MCF2L: variants seen among roughly 807,000 people sequenced by gnomAD.
MCF2L encodes the protein guanine nucleotide exchange factor DBS.
Under a neutral mutation model 153.4 loss-of-function variants are expected in MCF2L, and 97 were observed. That is an observed-to-expected ratio of 0.63 (90% CI 0.54 to 0.75). The LOEUF (loss-of-function observed/expected upper bound fraction) is 0.75. Among genes scored for constraint, MCF2L ranks in the 30% least tolerant of loss-of-function variants. The probability of loss-of-function intolerance (pLI) is 0.00; values close to 1 mark genes in which losing one functional copy is unlikely to be tolerated. For missense variants in MCF2L, 1,347 were observed against 1,495.2 expected, an observed-to-expected ratio of 0.90 and a Z score of 1.64; for synonymous variants, 659 against 632.2, an observed-to-expected ratio of 1.04 and a Z score of -0.64.
chr13:112,979,239 T>G lies in MCF2L; in HGVS notation c.79+9781T>G, dbSNP rs1016914731. The G allele has an allele frequency of 3.4e-6, 3 of 884,858 alleles. No individual in the cohort carries two copies. In the Admixed American group the frequency reaches 1.6e-4, roughly 48 times the overall value. 54.8% of individuals were successfully genotyped at this position (884,858 alleles called of 1,614,324 possible). On this transcript the variant is annotated intron_variant, in intron 1 of 29. Transcript: ENST00000535094. ...AGACTTCCTGAGGCCTGGAAGGTGTTTTTGGCTTGCTCCATAAGGCAAGGA... is the reference window on the plus strand; with the variant it reads ...AGACTTCCTGAGGCCTGGAAGGTGTGTTTGGCTTGCTCCATAAGGCAAGGA...
At chr13:112,968,813 G>A, upstream of MCF2L, 1 of 1,327,844 alleles carries the variant, frequency 7.5e-7, no homozygotes, top group Middle Eastern at 2.8e-4. Flanking sequence ...GGAGGGCGTG[G>A]AGACCCGGAA....
intron 2 of MCF2L, among the ~76,000 whole-genome samples, chr13:113,019,381 G>A (rs2993300): frequency 0.44 from 67,477 of 152,022 alleles, 15,387 homozygotes; most frequent in South Asian, 0.68. Context: ...TGGGAGGACC[G>A]ATCCGATCCT....
At chr13:112,980,802 A>T (rs1382767358) in intron 1 of MCF2L, among the ~76,000 whole-genome samples, 1 of 152,218 alleles carries the variant, frequency 6.6e-6, no homozygotes, top group Non-Finnish European at 1.5e-5. Context: ...GTCCACTGAC[A>T]TCCACCACAG....
Position 112,993,294 on chromosome 13 carries a change from G to T in MCF2L, c.80-21469G>T, listed in dbSNP as rs1340218967. Among the ~76,000 whole-genome samples, 2 of 152,244 alleles carry T rather than the reference G, an allele frequency of 1.3e-5. No individual in the cohort carries two copies. The highest frequency in any genetic ancestry group is 2.9e-5 in the Non-Finnish European group (2 of 68,038). On this transcript the variant is annotated intron_variant, in intron 1 of 29. Coordinates refer to ENST00000535094, the MANE Select transcript of MCF2L (RefSeq NM_001112732.3). This position sits in a 1 kb window ranked among gnomAD's most constrained non-coding sequence, Gnocchi z 4.6. ...GCGCCGGGCACACAACATGGTGGGT[G>T]TTCCTGGGCAGAGGCTTGGTGGGCA...
rs576421090 is a variant in MCF2L at position 113,012,585 on chromosome 13, G to A, written c.80-2178G>A. 2.7e-4 allele frequency among the ~76,000 whole-genome samples: 32 copies of A among 117,644 alleles called. 2 individuals are homozygous for A. Among genetic ancestry groups the A allele is most frequent in the African/African-American group, 9.5e-4 (32 of 33,574 alleles). 77.2% of individuals were successfully genotyped at this position (117,644 alleles called of 152,430 possible). A position where few individuals can be genotyped will look rare whatever the true frequency, so the allele number is the denominator to read the frequency against. On this transcript the variant is annotated intron_variant, in intron 1 of 29. Transcript: ENST00000535094. Reference sequence around the variant, plus strand: ...ACAGGTGGTGTGGACGGTGGACACTGCAGTGTGGACTGTGGACACTGTGAT... The same window carrying A: ...ACAGGTGGTGTGGACGGTGGACACTACAGTGTGGACTGTGGACACTGTGAT...
intron 3 of MCF2L, chr13:113,044,041 G>C (rs573506057): frequency 5.7e-5 from 9 of 157,808 alleles, no homozygotes; most frequent in African/African-American, 2.2e-4. Context: ...TAAGAACTAA[G>C]CCAGATCAGA....
At chr13:112,918,505 G>T (rs1331260134) in intron 2 of MCF2L, among the ~76,000 whole-genome samples, 1 of 152,192 alleles carries the variant, frequency 6.6e-6, no homozygotes, top group Non-Finnish European at 1.5e-5. Context: ...TCCATGGGGA[G>T]AGAGTAGGGA....
intron 3 of MCF2L, among the ~76,000 whole-genome samples, chr13:113,039,782 G>A (rs1323854009): frequency 6.6e-6 from 1 of 152,214 alleles, no homozygotes; most frequent in Non-Finnish European, 1.5e-5. Context: ...AAATTCTACT[G>A]ACAGACAGTA....
intron 27 of MCF2L, chr13:113,095,569 C>T (rs9549671): frequency 9.2e-5 from 92 of 1,000,460 alleles, no homozygotes; most frequent in Non-Finnish European, 1.1e-4. Context: ...CAGGCCATCA[C>T]GTGAGGGCAG....
At chr13:112,946,840 TAAA>T (rs2081642091) in intron 2 of MCF2L, among the ~76,000 whole-genome samples, 1 of 151,774 alleles carries the variant, frequency 6.6e-6, no homozygotes. Context: ...TTCCCAAGAG[TAAA>T]ACAAAGAACC....
At chr13:112,903,117 C>A (rs933216480) in intron 2 of MCF2L, among the ~76,000 whole-genome samples, 1 of 152,218 alleles carries the variant, frequency 6.6e-6, no homozygotes, top group Non-Finnish European at 1.5e-5. Flanking sequence ...TGAGGGCAGG[C>A]GTGGATTTGA....
chr13:113,038,918 T>C (rs1264454646), intron 3 of MCF2L, among the ~76,000 whole-genome samples: 1 of 152,156 alleles, frequency 6.6e-6, no homozygotes, highest in Non-Finnish European at 1.5e-5. Flanking sequence ...AGTGCAATGG[T>C]GCTATCTCGG....
intron 2 of MCF2L, among the ~76,000 whole-genome samples, chr13:112,940,087 G>A (rs1011898116): frequency 2.6e-5 from 4 of 152,040 alleles, no homozygotes; most frequent in South Asian, 2.1e-4. Flanking sequence ...TTTATACAAC[G>A]GGGGGTGGGG....
chr13:112,906,107 C>T (rs1445412824), intron 2 of MCF2L, among the ~76,000 whole-genome samples: 1 of 152,170 alleles, frequency 6.6e-6, no homozygotes, highest in East Asian at 1.9e-4. Context: ...TTTTCCAGCT[C>T]GCTCGGTGCG....
chr13:113,000,596 C>T (rs763319253), intron 1 of MCF2L, among the ~76,000 whole-genome samples: 4 of 152,202 alleles, frequency 2.6e-5, no homozygotes, highest in Non-Finnish European at 5.9e-5. Flanking sequence ...AGAGGCAGGG[C>T]CTGGCGAGGC....
chr13:112,946,748 G>A lies in MCF2L; in HGVS notation c.169+44377G>A, dbSNP rs537301930. On this transcript the variant is annotated intron_variant, in intron 2 of 29. Transcript: ENST00000375608. The stretch of plus-strand genomic sequence containing the variant: ...GTCAGAAGAGGCACTGTGAGGATGC[G>A]TATCCCGTGGCTTTACTTTAGAAAC... Among the ~76,000 whole-genome samples, 13 of 152,348 alleles carry A rather than the reference G, an allele frequency of 8.5e-5. 1 individual carries two copies. The highest frequency in any genetic ancestry group is 3.1e-4 in the African/African-American group (13 of 41,576).
Position 113,084,962 on chromosome 13 carries a change from G to A in MCF2L, c.2132G>A (p.Cys711Tyr). 1 of 1,614,036 alleles carries A rather than the reference G, an allele frequency of 6.2e-7. No individual in the cohort carries two copies. Among genetic ancestry groups the A allele is most frequent in the Admixed American group, 1.7e-5 (1 of 60,032 alleles). Residue 711 changes from cysteine to tyrosine, a missense_variant, in exon 19 of 30, where the codon TGC becomes TAC. Cys to Tyr is a radical substitution (Grantham distance 194, BLOSUM62 -2). Coordinates refer to ENST00000535094, the MANE Select transcript of MCF2L (RefSeq NM_001112732.3). ...CGCTCTGAGAGCCTGTGGAGACAGT[G>A]CTCCGACTGCCCGTTTTTCCAGGTT... The part of the protein sequence containing the change: ...KPRSESLWRQ[C>Y]SDCPFFQECQ...
At chr13:112,925,341 A>G (rs543635951) in intron 2 of MCF2L, among the ~76,000 whole-genome samples, 2 of 152,340 alleles carry the variant, frequency 1.3e-5, no homozygotes, top group East Asian at 3.9e-4. Context: ...CAGGGTCTAA[A>G]GCTAAGCATG....
chr13:113,012,688 GC>G (rs2084238634), intron 1 of MCF2L, among the ~76,000 whole-genome samples: 1 of 110,196 alleles, frequency 9.1e-6, no homozygotes. Flanking sequence ...GGTGGACACT[GC>G]AGTGTGGATG....
Sources: allele counts gnomAD v4.1 joint callset (sites outside exome capture counted in the v4.1 genomes callset), GRCh38; gene constraint gnomAD v4.1.1; non-coding constraint Gnocchi (gnomAD v3.1); transcripts MANE v1.5; gene names NCBI Gene and HGNC (gene_info 2026-07-23, HGNC 2026-07-21).